Variants in CDKN2A observed in about 807,000 individuals in gnomAD.
The protein encoded by CDKN2A is cyclin dependent kinase inhibitor 2A, also known as cyclin-dependent kinase inhibitor 2A.
Under a neutral mutation model 11.1 loss-of-function variants are expected in CDKN2A, and 3 were observed. The ratio of observed to expected loss-of-function variants is 0.27; its 90% CI spans 0.12 to 0.70. CDKN2A has a LOEUF of 0.70. CDKN2A is among the 30% of genes least tolerant of loss of function. The pLI is 0.77. For synonymous variants in CDKN2A, 122 were observed against 108.1 expected (o/e 1.13, Z -0.80); for missense variants, 265 against 233.6 (o/e 1.13, Z -0.88).
chr9:21,972,656 A>T (rs1193617474), intron 1 of CDKN2A, among the ~76,000 whole-genome samples: 1 of 152,234 alleles, frequency 6.6e-6, no homozygotes, highest in African/African-American at 2.4e-5. Context: ...CAGCAGTAGG[A>T]AACTAAAACA....
intron 2 of CDKN2A, among the ~76,000 whole-genome samples, chr9:21,993,713 A>G (rs1820495801): frequency 1.3e-5 from 2 of 152,130 alleles, no homozygotes. Context: ...GCTGGGGAGA[A>G]AAAAGGCCGC....
At chr9:21,977,533 T>C (rs1820068359), upstream of CDKN2A, among the ~76,000 whole-genome samples, 1 of 152,140 alleles carries the variant, frequency 6.6e-6, no homozygotes, top group African/African-American at 2.4e-5. Context: ...ACCCAGCTAA[T>C]TTTTGTATTA....
chr9:21,983,946 T>G (rs935892944), intron 2 of CDKN2A, among the ~76,000 whole-genome samples: 1 of 151,960 alleles, frequency 6.6e-6, no homozygotes, highest in African/African-American at 2.4e-5. Context: ...TTTCCTCACC[T>G]CACAAAGTGG....
At position 21,983,120 on chromosome 9, in the gene CDKN2A, T is replaced by C. The variant is rs1167864025; in HGVS notation, c.-4+10762A>G. ...TCAGAAACTACTGTGCTTCTATGATTATTCTTCAGTAGTAATACATAGTGA... is the reference window on the plus strand; with the variant it reads ...TCAGAAACTACTGTGCTTCTATGATCATTCTTCAGTAGTAATACATAGTGA... On this transcript the variant is annotated intron_variant, in intron 2 of 3. Coordinates refer to the CDKN2A transcript ENST00000494262. Among the ~76,000 whole-genome samples, 7 of 152,116 alleles carry C rather than the reference T, an allele frequency of 4.6e-5. No homozygotes were observed. In the South Asian group the frequency reaches 1.4e-3, roughly 31 times the overall value.
At chr9:21,989,446 C>T (rs997865604) in intron 2 of CDKN2A, 1 of 152,056 alleles carries the variant, frequency 6.6e-6, no homozygotes, top group South Asian at 2.1e-4. Context: ...AATGGAGAGA[C>T]ATCGTCACTG....
chr9:21,994,783 C>G, intron 1 of CDKN2A: 1 of 186,548 alleles, frequency 5.4e-6, no homozygotes. Flanking sequence ...CCAGGCAGCT[C>G]GCCCCCTAGC....
chr9:21,974,612 C>T lies in CDKN2A; in HGVS notation c.150+66G>A, dbSNP rs2131110991. On this transcript the variant is annotated intron_variant, in intron 1 of 2. Coordinates refer to ENST00000304494, the MANE Select transcript of CDKN2A (RefSeq NM_000077.5). This position sits in a 1 kb window ranked among gnomAD's most constrained non-coding sequence, Gnocchi z 5.2. Reference sequence around the variant, plus strand: ...TCGAAGCGCTACCTGATTCCAATTCCCCTGCAAACTTCGTCCTCCAGAGTC... The same window carrying T: ...TCGAAGCGCTACCTGATTCCAATTCTCCTGCAAACTTCGTCCTCCAGAGTC... The T allele has an allele frequency of 5.6e-6, 9 of 1,614,162 alleles. No homozygotes were observed. The highest frequency in any genetic ancestry group is 6.8e-6 in the Non-Finnish European group (8 of 1,180,026).
At chr9:21,974,921 C>T (rs1488907460), upstream of CDKN2A, 4 of 1,430,988 alleles carry the variant, frequency 2.8e-6, no homozygotes, top group African/African-American at 1.5e-5. The surrounding 1 kb of genome is among the most constrained non-coding windows in gnomAD (Gnocchi z 5.2). Flanking sequence ...GCCAGCCCCT[C>T]CTCTTTCTTC....
chr9:21,981,286 G>A (rs1206806610), intron 2 of CDKN2A, among the ~76,000 whole-genome samples: 2 of 149,604 alleles, frequency 1.3e-5, no homozygotes, highest in African/African-American at 4.9e-5. Context: ...TTTGAGGAGG[G>A]AAGACTGGGG....
chr9:21,973,040 A>C (rs989344858), intron 1 of CDKN2A, among the ~76,000 whole-genome samples: 1 of 152,236 alleles, frequency 6.6e-6, no homozygotes, highest in Non-Finnish European at 1.5e-5. Flanking sequence ...AGAAAGTATA[A>C]GCAAACCAAA....
Position 21,981,140 on chromosome 9 carries a change from GTGTATATATATATATACGTGTA to G in CDKN2A, c.-3-9954_-3-9933del. On this transcript the variant is annotated intron_variant, in intron 2 of 3. Transcript: ENST00000494262. ...TATATACGTGTATATATATATATAC[GTGTATATATATATATACGTGTA>G]TATATATATATACGTGTATATATAT... Among the ~76,000 whole-genome samples, 2 of 23,890 alleles carry G rather than the reference GTGTATATATATATATACGTGTA, an allele frequency of 8.4e-5. 1 individual carries two copies. The highest frequency in any genetic ancestry group is 3.9e-4 in the African/African-American group (2 of 5,178). The allele number at this position is 23,890 out of a possible 152,430, so 15.7% of individuals were successfully genotyped here. A position where few individuals can be genotyped will look rare whatever the true frequency, so the allele number is the denominator to read the frequency against.
At chr9:21,979,354 C>T (rs1820121116), upstream of CDKN2A, among the ~76,000 whole-genome samples, 1 of 152,076 alleles carries the variant, frequency 6.6e-6, no homozygotes, top group Non-Finnish European at 1.5e-5. Flanking sequence ...AGGCCCTATG[C>T]CATGAAGTGA....
intron 1 of CDKN2A, chr9:21,971,453 G>C: frequency 8.3e-7 from 1 of 1,208,532 alleles, no homozygotes; most frequent in South Asian, 1.6e-5. Flanking sequence ...AGAGCACTGT[G>C]AGGCACGGGC....
rs1820363885 is a variant in CDKN2A at position 21,989,027 on chromosome 9, T to C, written c.-4+4855A>G. 2.0e-5 allele frequency among the ~76,000 whole-genome samples: 3 copies of C among 152,236 alleles called. No homozygotes were observed. The South Asian group carries it at 6.2e-4, about 32-fold the overall frequency. On this transcript the variant is annotated intron_variant, in intron 2 of 3. Transcript: ENST00000494262. ...CAATACTATTGGTTTTGTATGTGAT[T>C]TAAAATCATTCCTGTAATTTCTTCT...
intron 2 of CDKN2A, chr9:21,992,534 C>T (rs888804201): frequency 5.2e-6 from 3 of 580,106 alleles, no homozygotes; most frequent in Non-Finnish European, 6.5e-6. Context: ...AATATTTTTG[C>T]ATTTCATGCA....
At chr9:21,987,840 T>C (rs1286393504) in intron 2 of CDKN2A, among the ~76,000 whole-genome samples, 1 of 152,200 alleles carries the variant, frequency 6.6e-6, no homozygotes, top group African/African-American at 2.4e-5. Flanking sequence ...AAATTGGTCA[T>C]ATTTGTCAAA....
chr9:21,990,448 C>T (rs1215677162), intron 2 of CDKN2A, among the ~76,000 whole-genome samples: 1 of 152,126 alleles, frequency 6.6e-6, no homozygotes, highest in Non-Finnish European at 1.5e-5. Flanking sequence ...AGTTCATCCA[C>T]TGTGTAGGAC....
At chr9:21,992,852 A>T (rs1820461484) in intron 2 of CDKN2A, among the ~76,000 whole-genome samples, 1 of 152,128 alleles carries the variant, frequency 6.6e-6, no homozygotes, top group Admixed American at 6.5e-5. Context: ...AAAAACAACA[A>T]CCAGGGTCTT....
chr9:21,990,297 A>G (rs898182810), intron 2 of CDKN2A, among the ~76,000 whole-genome samples: 1 of 152,142 alleles, frequency 6.6e-6, no homozygotes, highest in Non-Finnish European at 1.5e-5. Flanking sequence ...GAATGGACAT[A>G]GCGTGCATTT....
Sources: gnomAD v4.1 joint callset for allele counts (sites outside exome capture counted in the v4.1 genomes callset) on GRCh38, gnomAD v4.1.1 for gene constraint, Gnocchi (gnomAD v3.1) non-coding constraint, MANE v1.5 for transcripts, NCBI Gene and HGNC (gene_info 2026-07-23, HGNC 2026-07-21) for gene names.